Variants in WASL observed in about 807,000 individuals in gnomAD.
WASL encodes the protein WASP like actin nucleation promoting factor.
Under a neutral mutation model 55.5 loss-of-function variants are expected in WASL, and 20 were observed. That is an observed-to-expected ratio of 0.36 (90% CI 0.25 to 0.52). WASL has a LOEUF of 0.52. Ranked by LOEUF, WASL falls within the 20% of genes least tolerant of loss-of-function variation. The pLI is 0.92. For synonymous variants in WASL, 249 were observed against 217.6 expected, an observed-to-expected ratio of 1.14 and a Z score of -1.27; for missense variants, 504 against 622.5, an observed-to-expected ratio of 0.81 and a Z score of 2.03.
At chr7:123,748,500 C>T in intron 1 of WASL, 118 bp downstream of exon 1, 1 of 1,050,694 alleles carries the variant, frequency 9.5e-7, no homozygotes, top group Non-Finnish European at 1.4e-6. Context: ...GGGGCCGGGG[C>T]TGGCGGGAGG....
chr7:123,694,198 A>G (rs1803457226), intron 8 of WASL, among the ~76,000 whole-genome samples: 1 of 152,200 alleles, frequency 6.6e-6, no homozygotes. Context: ...TATTAAGACA[A>G]AACTGAAATA....
intron 9 of WASL, among the ~76,000 whole-genome samples, chr7:123,689,840 T>C (rs1490371210): frequency 2.0e-5 from 3 of 152,070 alleles, no homozygotes; most frequent in African/African-American, 7.2e-5. Context: ...TAATTACCTA[T>C]GTTTTAATAC....
intron 1 of WASL, among the ~76,000 whole-genome samples, chr7:123,743,741 T>C (rs143651653): frequency 7.2e-4 from 109 of 152,324 alleles, no homozygotes; most frequent in Non-Finnish European, 1.4e-3. Context: ...TCCATAATGA[T>C]TGAATTACTC....
In WASL at chr7:123,692,580, C is replaced by T. The variant is rs1388147107; in HGVS notation, c.1114G>A (p.Ala372Thr). The change falls in exon 9 of 11, where the codon GCA becomes ACA. Residue 372 changes from alanine to threonine, a missense_variant. This residue lies in a region of WASL where 201 missense variants were observed against 206.2 expected (regional missense o/e 0.97). Coordinates refer to ENST00000223023, the MANE Select transcript of WASL (RefSeq NM_003941.4). ...GGAGGTGGAGGCGGTGGGGGTGGTG[C>T]CACTGGCCCTACCCCCAACACAGAT... ...PPSVLGVGPV[A>T]PPPPPPPPPP... The T allele has an allele frequency of 1.2e-6, 2 of 1,612,016 alleles. No homozygotes were observed. The highest frequency in any genetic ancestry group is 1.1e-5 in the South Asian group (1 of 90,922).
chr7:123,692,723 G>C lies in WASL; in HGVS notation c.971C>G (p.Pro324Arg). The C allele has an allele frequency of 6.6e-7, 1 of 1,516,938 alleles. No homozygotes were observed. Among genetic ancestry groups the C allele is most frequent in the South Asian group, 1.3e-5 (1 of 74,084 alleles). 94.0% of individuals were successfully genotyped at this position (1,516,938 alleles called of 1,614,324 possible). ...PSRAPTAAPP[P>R]PPPSRPSVAV... ...TACACTTGGCCTGGAAGGAGGCGGT[G>C]GTGGAGGTGCAGCTGTGGGAGCTCT... Residue 324 changes from proline (P) to arginine (R), a missense_variant, in exon 9 of 11, where the codon CCA becomes CGA. This residue lies in a region of WASL where 201 missense variants were observed against 206.2 expected (regional missense o/e 0.97). Coordinates refer to ENST00000223023, the MANE Select transcript of WASL (RefSeq NM_003941.4).
chr7:123,738,689 G>C (rs1804279833), intron 1 of WASL, among the ~76,000 whole-genome samples: 1 of 152,116 alleles, frequency 6.6e-6, no homozygotes, highest in Non-Finnish European at 1.5e-5. Flanking sequence ...AACCATGTCT[G>C]AACTCAGTAG....
At chr7:123,731,908 T>C (rs2116816506) in intron 1 of WASL, among the ~76,000 whole-genome samples, 1 of 151,934 alleles carries the variant, frequency 6.6e-6, no homozygotes, top group African/African-American at 2.4e-5. Flanking sequence ...AAAAAAAGAA[T>C]TATAGCAGAA....
chr7:123,748,956 G>T lies in WASL; in HGVS notation c.-222C>A. The T allele has an allele frequency of 1.8e-6, 1 of 567,886 alleles. No individual in the cohort carries two copies. The highest frequency in any genetic ancestry group is 3.1e-6 in the Non-Finnish European group (1 of 321,948). 35.2% of individuals were successfully genotyped at this position (567,886 alleles called of 1,614,324 possible). A position where few individuals can be genotyped will look rare whatever the true frequency, so the allele number is the denominator to read the frequency against. Reference sequence around the variant, plus strand: ...AAAGGGAAGCTCCCGGCACCCGCCCGGCCAGGCTAGGGCCGGATGGTCGTT... The same window carrying T: ...AAAGGGAAGCTCCCGGCACCCGCCCTGCCAGGCTAGGGCCGGATGGTCGTT... On this transcript the variant is annotated 5_prime_UTR_variant, in exon 1 of 11. Transcript: ENST00000223023.
intron 7 of WASL, 48 bp downstream of exon 7, chr7:123,695,775 A>C (rs767509330): frequency 6.3e-7 from 1 of 1,576,518 alleles, no homozygotes; most frequent in South Asian, 1.2e-5. Flanking sequence ...ATAGGCCAAC[A>C]CATTTCCACA....
At chr7:123,693,819 A>G (rs1803451243) in intron 8 of WASL, among the ~76,000 whole-genome samples, 1 of 152,208 alleles carries the variant, frequency 6.6e-6, no homozygotes, top group African/African-American at 2.4e-5. Flanking sequence ...TATAAAAATT[A>G]GCAGGGTGTA....
intron 5 of WASL, among the ~76,000 whole-genome samples, chr7:123,701,437 C>G (rs1378441033): frequency 6.6e-6 from 1 of 152,112 alleles, no homozygotes; most frequent in East Asian, 1.9e-4. Context: ...AACAGGTGGC[C>G]TAGAGGCCTC....
intron 10 of WASL, 24 bp from the exon 11 acceptor site, chr7:123,684,604 A>T: frequency 6.7e-7 from 1 of 1,497,238 alleles, no homozygotes; most frequent in Non-Finnish European, 9.0e-7. Context: ...AAGACAATTA[A>T]AACATATGCA....
chr7:123,723,406 T>C (rs1397310259), intron 1 of WASL, among the ~76,000 whole-genome samples: 4 of 152,160 alleles, frequency 2.6e-5, no homozygotes, highest in Non-Finnish European at 4.4e-5. Flanking sequence ...AACACTTCAA[T>C]ACAGTAGAGA....
At chr7:123,693,571 T>C (rs191057165) in intron 8 of WASL, among the ~76,000 whole-genome samples, 1 of 152,376 alleles carries the variant, frequency 6.6e-6, no homozygotes, top group Admixed American at 6.5e-5. Flanking sequence ...AGAATTTCCA[T>C]ACACTGCAAA....
At chr7:123,731,530 A>G (rs1298123975) in intron 1 of WASL, among the ~76,000 whole-genome samples, 1 of 152,224 alleles carries the variant, frequency 6.6e-6, no homozygotes, top group Non-Finnish European at 1.5e-5. Flanking sequence ...ATATGGAACG[A>G]TCACCAAGAG....
At chr7:123,688,716 C>T (rs1449926980) in intron 10 of WASL, among the ~76,000 whole-genome samples, 2 of 152,090 alleles carry the variant, frequency 1.3e-5, no homozygotes, top group East Asian at 3.9e-4. Context: ...AAATCTCAAG[C>T]TTTGTTTAGA....
chr7:123,744,103 G>C (rs1200830677), intron 1 of WASL, among the ~76,000 whole-genome samples: 4 of 152,238 alleles, frequency 2.6e-5, no homozygotes, highest in Non-Finnish European at 5.9e-5. Flanking sequence ...TCAATACAAT[G>C]ATCCCTCTAA....
rs532293343 is a variant in WASL, at chr7:123,718,803, A to C, written c.118-9580T>G. Among the ~76,000 whole-genome samples the C allele has an allele frequency of 1.2e-4, 18 of 152,358 alleles. No homozygotes were observed. The South Asian group carries it at 3.5e-3, about 30-fold the overall frequency. ...CTATTTTACTGTTTAAGCAGTAAGA[A>C]TATCTTACTGTTAGAAAATTTTAAA... On this transcript the variant is annotated intron_variant, in intron 1 of 10. Transcript: ENST00000223023.
intron 1 of WASL, among the ~76,000 whole-genome samples, chr7:123,739,216 T>TTC (rs988537669): frequency 2.6e-5 from 4 of 152,224 alleles, no homozygotes; most frequent in Non-Finnish European, 5.9e-5. Context: ...TCCTTAAGAC[T>TTC]TGAAGTTCAA....
Sources: gnomAD v4.1 joint callset for allele counts (sites outside exome capture counted in the v4.1 genomes callset) on GRCh38, gnomAD v4.1.1 for gene constraint, gnomAD v4.1.1 regional missense constraint, MANE v1.5 for transcripts, NCBI Gene and HGNC (gene_info 2026-07-23, HGNC 2026-07-21) for gene names.